Variants in DEXI observed in about 807,000 individuals in gnomAD.
The protein encoded by DEXI is Dexi homolog.
Under a neutral mutation model 2.5 loss-of-function variants are expected in DEXI, and 2 were observed. The observed-to-expected ratio is 0.81, with a 90% confidence interval of 0.33 to 2.55. The LOEUF is 2.55. Ranked by LOEUF, DEXI falls within the 30% of genes most tolerant of loss-of-function variation. DEXI has a pLI of 0.11. For missense variants in DEXI, 108 were observed against 130.3 expected (o/e 0.83, Z 0.83); for synonymous variants, 71 against 68.7 (o/e 1.03, Z -0.17).
chr16:10,932,422 G>A (rs1297106314), intron 1 of DEXI: 1 of 152,200 alleles, frequency 6.6e-6, no homozygotes, highest in East Asian at 1.9e-4. Context: ...AGCTCAGAGA[G>A]GTTAAGCAAG....
Position 10,929,668 on chromosome 16 carries a change from A to AG in DEXI, c.*150-110dup. On this transcript the variant is annotated intron_variant, in intron 1 of 1. Transcript: ENST00000331808. This position sits in a 1 kb window ranked among gnomAD's most constrained non-coding sequence, Gnocchi z 4.3. ...AGGCTCGGGAGGCTTGGGGTGGGGC[A>AG]GGGAAGTCTTCCTCCATCCCTCAAA... The AG allele has an allele frequency of 1.6e-6, 1 of 612,114 alleles. No individual in the cohort carries two copies. Among genetic ancestry groups the AG allele is most frequent in the Non-Finnish European group, 2.0e-6 (1 of 488,960 alleles). The allele number at this position is 612,114 out of a possible 1,614,324, so 37.9% of individuals were successfully genotyped here. A position where few individuals can be genotyped will look rare whatever the true frequency, so the allele number is the denominator to read the frequency against.
In DEXI at chr16:10,942,301, C is replaced by T; in HGVS notation, c.-296G>A. The T allele has an allele frequency of 3.4e-6, 1 of 293,934 alleles. No individual in the cohort carries two copies. The highest frequency in any genetic ancestry group is 6.4e-6 in the Non-Finnish European group (1 of 156,978). 18.2% of individuals were successfully genotyped at this position (293,934 alleles called of 1,614,324 possible). On this transcript the variant is annotated 5_prime_UTR_variant, in exon 1 of 2. Coordinates refer to ENST00000331808, the MANE Select transcript of DEXI (RefSeq NM_014015.4). The surrounding 1 kb of genome is among the most constrained non-coding windows in gnomAD (Gnocchi z 5.0). ...TCCCTCGTGGCGCCTCCCTGGCGCT[C>T]GCAGGGCCTCGCAGAGCCGGTGGGG...
chr16:10,936,328 C>A (rs1263073656), intron 1 of DEXI: 1 of 152,088 alleles, frequency 6.6e-6, no homozygotes, highest in African/African-American at 2.4e-5. Flanking sequence ...ATTTTGACAA[C>A]CCTACTGTGG....
intron 1 of DEXI, chr16:10,935,478 CGAT>C (rs2040988829): frequency 6.6e-6 from 1 of 152,108 alleles, no homozygotes; most frequent in South Asian, 2.1e-4. Context: ...CCATGCCAAG[CGAT>C]GATGATTTTC....
In DEXI at chr16:10,942,253, G is replaced by T. The variant is rs1301899841; in HGVS notation, c.-248C>A. ...CCCGGGCGGCGAGGCGGGCCCCCCT[G>T]AAGTGGCCCGCGGCTGCCCGGCTCC... is the stretch of plus-strand genomic sequence containing the variant. On this transcript the variant is annotated 5_prime_UTR_variant, in exon 1 of 2. Transcript: ENST00000331808. This position sits in a 1 kb window ranked among gnomAD's most constrained non-coding sequence, Gnocchi z 5.0. The T allele has an allele frequency of 1.4e-5, 5 of 361,708 alleles. No homozygotes were observed. Among genetic ancestry groups the T allele is most frequent in the Non-Finnish European group, 2.5e-5 (5 of 201,396 alleles). 22.4% of individuals were successfully genotyped at this position (361,708 alleles called of 1,614,324 possible).
rs555758685 is a variant in DEXI, at chr16:10,940,642, C to G, written c.*149+927G>C. 6.6e-6 allele frequency: 1 copy of G among 152,560 alleles called. No homozygotes were observed. The highest frequency in any genetic ancestry group is 1.5e-5 in the Non-Finnish European group (1 of 68,232). 9.5% of individuals were successfully genotyped at this position (152,560 alleles called of 1,614,324 possible). A position where few individuals can be genotyped will look rare whatever the true frequency, so the allele number is the denominator to read the frequency against. Reference sequence around the variant, plus strand: ...GCTGCCTGACAGCTTGTCTGGCTCACGTGTTCTCTCTAATTGAGTCTAGCT... The same window carrying G: ...GCTGCCTGACAGCTTGTCTGGCTCAGGTGTTCTCTCTAATTGAGTCTAGCT... On this transcript the variant is annotated intron_variant, in intron 1 of 1. Transcript: ENST00000331808. The surrounding 1 kb of genome is among the most constrained non-coding windows in gnomAD (Gnocchi z 4.2).
Position 10,941,771 on chromosome 16 carries a change from C to T in DEXI, c.235G>A (p.Gly79Ser). 1 of 1,613,544 alleles carries T rather than the reference C, an allele frequency of 6.2e-7. No homozygotes were observed. Among genetic ancestry groups the T allele is most frequent in the Non-Finnish European group, 8.5e-7 (1 of 1,179,756 alleles). The part of the protein sequence containing the change: ...DLGVLSDPGS[G>S]LYDADSELDV... ...AGCTCCGAGTCAGCATCGTAAAGGCCCGAGCCGGGGTCGGAGAGCACGCCG... is the reference window on the plus strand; with the variant it reads ...AGCTCCGAGTCAGCATCGTAAAGGCTCGAGCCGGGGTCGGAGAGCACGCCG... The change falls in exon 1 of 2, where the codon GGC (glycine) becomes AGC (serine). Residue 79 changes from glycine (G) to serine (S), a missense_variant. Coordinates refer to ENST00000331808, the MANE Select transcript of DEXI (RefSeq NM_014015.4). The surrounding 1 kb of genome is among the most constrained non-coding windows in gnomAD (Gnocchi z 6.4).
At position 10,941,482 on chromosome 16, in the gene DEXI, G is replaced by A; in HGVS notation, c.*149+87C>T. The A allele has an allele frequency of 7.8e-7, 1 of 1,281,846 alleles. No homozygotes were observed. Among genetic ancestry groups the A allele is most frequent in the Non-Finnish European group, 1.0e-6 (1 of 989,960 alleles). The allele number at this position is 1,281,846 out of a possible 1,614,324, so 79.4% of individuals were successfully genotyped here. A position where few individuals can be genotyped will look rare whatever the true frequency, so the allele number is the denominator to read the frequency against. Reference sequence around the variant, plus strand: ...AGGTGAACGGAGGAGAAGCCTGAGGGAGGGGTGTGTATCCGGCCTGGGAAT... The same window carrying A: ...AGGTGAACGGAGGAGAAGCCTGAGGAAGGGGTGTGTATCCGGCCTGGGAAT... On this transcript the variant is annotated intron_variant, in intron 1 of 1. Coordinates refer to ENST00000331808, the MANE Select transcript of DEXI (RefSeq NM_014015.4). The surrounding 1 kb of genome is among the most constrained non-coding windows in gnomAD (Gnocchi z 6.4).
At chr16:10,932,844 T>C (rs1596649951) in intron 1 of DEXI, 1 of 152,048 alleles carries the variant, frequency 6.6e-6, no homozygotes, top group African/African-American at 2.4e-5. Context: ...CATGTCACCA[T>C]GCCTGGCTAA....
intron 1 of DEXI, chr16:10,936,371 A>C (rs1013055870): frequency 2.6e-5 from 4 of 152,294 alleles, no homozygotes; most frequent in African/African-American, 9.6e-5. Flanking sequence ...TAAGGAAATA[A>C]ATACTGAATT....
chr16:10,942,118 C>G lies in DEXI; in HGVS notation c.-113G>C, dbSNP rs1262901710. The G allele has an allele frequency of 3.8e-6, 3 of 785,474 alleles. No individual in the cohort carries two copies. The highest frequency in any genetic ancestry group is 1.9e-5 in the African/African-American group (1 of 53,856). The allele number at this position is 785,474 out of a possible 1,614,324, so 48.7% of individuals were successfully genotyped here. A position where few individuals can be genotyped will look rare whatever the true frequency, so the allele number is the denominator to read the frequency against. ...CATCCAGGGGTACCCTGGAGCCCGA[C>G]AGAAGCAGGGCCGGGCTCCAGATGT... On this transcript the variant is annotated 5_prime_UTR_variant, in exon 1 of 2. Transcript: ENST00000331808. The surrounding 1 kb of genome is among the most constrained non-coding windows in gnomAD (Gnocchi z 5.0).
At chr16:10,936,237 C>G (rs2041017829) in intron 1 of DEXI, 1 of 152,048 alleles carries the variant, frequency 6.6e-6, no homozygotes, top group African/African-American at 2.4e-5. Context: ...ATCCTTCCAC[C>G]TCAGCCTCTA....
At position 10,929,487 on chromosome 16, in the gene DEXI, C is replaced by T. The variant is rs2145291023; in HGVS notation, c.*222G>A. ...CCTTCCCAACCTCAGCACTCAGTCCCAATCTCTCTTCCACTCTCCTGGGTT... is the reference window on the plus strand; with the variant it reads ...CCTTCCCAACCTCAGCACTCAGTCCTAATCTCTCTTCCACTCTCCTGGGTT... On this transcript the variant is annotated 3_prime_UTR_variant, in exon 2 of 2. Transcript: ENST00000331808. This position sits in a 1 kb window ranked among gnomAD's most constrained non-coding sequence, Gnocchi z 4.3. The T allele has an allele frequency of 1.0e-6, 1 of 985,742 alleles. No individual in the cohort carries two copies. The highest frequency in any genetic ancestry group is 4.7e-5 in the South Asian group (1 of 21,288). 61.1% of individuals were successfully genotyped at this position (985,742 alleles called of 1,614,324 possible). A position where few individuals can be genotyped will look rare whatever the true frequency, so the allele number is the denominator to read the frequency against.
chr16:10,941,408 G>A lies in DEXI; in HGVS notation c.*149+161C>T, dbSNP rs1596663850. ...GAGGAAGCTTTCCAGCCCAAACGAA[G>A]GGCTTAAGAGGAGTCTGGCCATTCC... On this transcript the variant is annotated intron_variant, in intron 1 of 1. Transcript: ENST00000331808. The surrounding 1 kb of genome is among the most constrained non-coding windows in gnomAD (Gnocchi z 6.4). 1.8e-6 allele frequency: 1 copy of A among 547,860 alleles called. No homozygotes were observed. The highest frequency in any genetic ancestry group is 2.5e-6 in the Non-Finnish European group (1 of 394,922). The allele number at this position is 547,860 out of a possible 1,614,324, so 33.9% of individuals were successfully genotyped here. A position where few individuals can be genotyped will look rare whatever the true frequency, so the allele number is the denominator to read the frequency against.
intron 1 of DEXI, chr16:10,930,767 T>G (rs1486718212): frequency 6.6e-6 from 1 of 152,302 alleles, no homozygotes; most frequent in Non-Finnish European, 1.5e-5. Flanking sequence ...CCACTCACTC[T>G]TCCTTGCAGG....
At chr16:10,935,010 C>CT (rs1359215246) in intron 1 of DEXI, 4 of 152,300 alleles carry the variant, frequency 2.6e-5, no homozygotes, top group Middle Eastern at 6.3e-3. Flanking sequence ...GCCATTGACA[C>CT]TGACCACGTC....
intron 1 of DEXI, chr16:10,931,743 T>A (rs2040806103): frequency 6.6e-6 from 1 of 152,106 alleles, no homozygotes; most frequent in East Asian, 1.9e-4. Context: ...AATACAAAAT[T>A]CGCTGGGCAT....
intron 1 of DEXI, chr16:10,935,399 G>A (rs563933261): frequency 2.0e-5 from 3 of 152,338 alleles, no homozygotes; most frequent in Admixed American, 2.0e-4. Context: ...TACAGGCCAA[G>A]GCCCTGTGAC....
chr16:10,929,519 G>A lies in DEXI; in HGVS notation c.*190C>T. On this transcript the variant is annotated 3_prime_UTR_variant, in exon 2 of 2. Coordinates refer to ENST00000331808, the MANE Select transcript of DEXI (RefSeq NM_014015.4). The surrounding 1 kb of genome is among the most constrained non-coding windows in gnomAD (Gnocchi z 4.3). ...TCTTCCACTCTCCTGGGTTCAAACA[G>A]GAACCTCTCTGTTGGCACGAAGCTT... 1 of 985,578 alleles carries A rather than the reference G, an allele frequency of 1.0e-6. No homozygotes were observed. The highest frequency in any genetic ancestry group is 1.1e-4 in the East Asian group (1 of 8,820). 61.1% of individuals were successfully genotyped at this position (985,578 alleles called of 1,614,324 possible). A position where few individuals can be genotyped will look rare whatever the true frequency, so the allele number is the denominator to read the frequency against.
Sources: gnomAD v4.1 joint callset for allele counts on GRCh38, gnomAD v4.1.1 for gene constraint, Gnocchi (gnomAD v3.1) non-coding constraint, MANE v1.5 for transcripts, NCBI Gene and HGNC (gene_info 2026-07-23, HGNC 2026-07-21) for gene names.